TBL1X: variants seen among roughly 807,000 people sequenced by gnomAD.
TBL1X encodes the protein transducin beta like 1 X-linked.
Under a neutral mutation model 50.7 loss-of-function variants are expected in TBL1X, and 10 were observed. That is an observed-to-expected ratio of 0.20 (90% confidence interval 0.12 to 0.33). TBL1X has a LOEUF of 0.33. Ranked by LOEUF, TBL1X falls within the 10% of genes least tolerant of loss-of-function variation. TBL1X has a pLI of 1.00. For missense variants in TBL1X, 340 were observed against 504.4 expected (o/e 0.67, Z 3.12); for synonymous variants, 190 against 214.7 (o/e 0.88, Z 1.01).
chrX:9,527,761 A>G (rs981816226), intron 2 of TBL1X, among the ~76,000 whole-genome samples: 1 of 110,178 alleles, frequency 9.1e-6, no homozygotes, highest in Non-Finnish European at 1.9e-5. Flanking sequence ...CCATATTCAC[A>G]CTGTTCCGCC....
At chrX:9,638,553 T>G (rs1012587343) in intron 2 of TBL1X, among the ~76,000 whole-genome samples, 1 of 112,471 alleles carries the variant, frequency 8.9e-6, no homozygotes, top group African/African-American at 3.2e-5. Flanking sequence ...ATTATACTTA[T>G]TGAATTTAAC....
intron 2 of TBL1X, among the ~76,000 whole-genome samples, chrX:9,621,542 A>G (rs1456338141): frequency 9.0e-6 from 1 of 111,123 alleles, no homozygotes; most frequent in Non-Finnish European, 1.9e-5. Flanking sequence ...TTTTTTTCTG[A>G]CTCTGCAGTT....
intron 2 of TBL1X, among the ~76,000 whole-genome samples, chrX:9,601,364 G>A (rs1276708342): frequency 2.7e-5 from 3 of 110,897 alleles, no homozygotes; most frequent in Non-Finnish European, 5.7e-5. Context: ...ACATATGGGT[G>A]GTTTTCTTGT....
intron 13 of TBL1X, among the ~76,000 whole-genome samples, chrX:9,706,474 AC>A (rs1236591448): frequency 1.8e-5 from 2 of 110,541 alleles, no homozygotes; most frequent in African/African-American, 6.6e-5. Context: ...TATAAACAGA[AC>A]CACACAAACA....
At chrX:9,592,453 T>C (rs768939944) in intron 2 of TBL1X, among the ~76,000 whole-genome samples, 12 of 112,190 alleles carry the variant, frequency 1.1e-4, no homozygotes, top group Admixed American at 6.6e-4. Flanking sequence ...TCTAGTTGCA[T>C]ATTCTGTTTT....
intron 12 of TBL1X, among the ~76,000 whole-genome samples, chrX:9,697,811 C>G (rs962125423): frequency 1.8e-5 from 2 of 112,086 alleles, no homozygotes; most frequent in African/African-American, 6.5e-5. Flanking sequence ...AGGCTGGGCA[C>G]TGTGGCTGAT....
intron 2 of TBL1X, among the ~76,000 whole-genome samples, chrX:9,542,170 G>C (rs2082218164): frequency 9.0e-6 from 1 of 110,941 alleles, no homozygotes; most frequent in South Asian, 3.8e-4. Context: ...GATAAAAATT[G>C]ATAAATGACT....
At chrX:9,678,907 T>G (rs370361465) in intron 5 of TBL1X, among the ~76,000 whole-genome samples, 4 of 111,672 alleles carry the variant, frequency 3.6e-5, no homozygotes, top group African/African-American at 1.3e-4. Context: ...ACAGACTGTT[T>G]CCTCTCTTGT....
intron 2 of TBL1X, among the ~76,000 whole-genome samples, chrX:9,510,969 TAAAC>T (rs1237436193): frequency 1.8e-5 from 2 of 111,735 alleles, no homozygotes; most frequent in Non-Finnish European, 3.8e-5. Flanking sequence ...CACGCACACA[TAAAC>T]AAACCCTATT....
intron 2 of TBL1X, among the ~76,000 whole-genome samples, chrX:9,590,302 T>A (rs1231723291): frequency 8.9e-6 from 1 of 112,071 alleles, no homozygotes; most frequent in African/African-American, 3.2e-5. Context: ...GGCAGTTATA[T>A]GCAACTCTGT....
chrX:9,554,903 G>A (rs925268026), intron 2 of TBL1X, among the ~76,000 whole-genome samples: 6 of 111,123 alleles, frequency 5.4e-5, no homozygotes, highest in African/African-American at 1.3e-4. Context: ...TAGCAGTCAC[G>A]TCCTCCCCAG....
intron 2 of TBL1X, among the ~76,000 whole-genome samples, chrX:9,612,566 A>G (rs1311650248): frequency 8.9e-6 from 1 of 112,251 alleles, no homozygotes; most frequent in Non-Finnish European, 1.9e-5. Context: ...CGTATCCAAA[A>G]TGGCATCATT....
intron 6 of TBL1X, among the ~76,000 whole-genome samples, chrX:9,686,404 T>C (rs2146631529): frequency 8.9e-6 from 1 of 112,396 alleles, no homozygotes; most frequent in African/African-American, 3.2e-5. Context: ...TTCTAATCAT[T>C]AAAAAGTGAG....
At chrX:9,488,622 A>T in intron 1 of TBL1X, among the ~76,000 whole-genome samples, 1 of 112,116 alleles carries the variant, frequency 8.9e-6, no homozygotes, top group Non-Finnish European at 1.9e-5. Flanking sequence ...CTCAGGTCCC[A>T]GGGATTCAGG....
At chrX:9,487,084 A>T (rs1409659796) in intron 1 of TBL1X, among the ~76,000 whole-genome samples, 1 of 111,385 alleles carries the variant, frequency 9.0e-6, no homozygotes, top group African/African-American at 3.3e-5. Flanking sequence ...TAAATTTTGG[A>T]TTTGCAGTGA....
intron 5 of TBL1X, among the ~76,000 whole-genome samples, chrX:9,668,360 G>A (rs2082942614): frequency 9.4e-6 from 1 of 106,272 alleles, no homozygotes; most frequent in Non-Finnish European, 1.9e-5. Flanking sequence ...TAGAAATTGT[G>A]CCATTGGAAT....
intron 9 of TBL1X, among the ~76,000 whole-genome samples, chrX:9,692,467 G>A (rs2083104284): frequency 8.9e-6 from 1 of 112,142 alleles, no homozygotes; most frequent in Non-Finnish European, 1.9e-5. Context: ...GAATGCAGTG[G>A]TGTGATCTCA....
At chrX:9,711,532 G>A in intron 15 of TBL1X, 79 bp from the exon 16 acceptor site, 1 of 945,459 alleles carries the variant, frequency 1.1e-6, no homozygotes, top group Non-Finnish European at 1.4e-6. Flanking sequence ...AACAACTCCT[G>A]GAGATCTGAT....
intron 2 of TBL1X, among the ~76,000 whole-genome samples, chrX:9,513,012 C>T (rs1039342081): frequency 9.0e-6 from 1 of 110,748 alleles, no homozygotes; most frequent in Admixed American, 9.7e-5. Context: ...CCTTATGCGG[C>T]TCCTTTGCTC....
Sources: gnomAD v4.1 joint callset for allele counts (sites outside exome capture counted in the v4.1 genomes callset) on GRCh38, gnomAD v4.1.1 for gene constraint, MANE v1.5 for transcripts, NCBI Gene and HGNC (gene_info 2026-07-23, HGNC 2026-07-21) for gene names.